CHI3L2: variants seen among roughly 807,000 people sequenced by gnomAD.
CHI3L2 encodes chitinase 3 like 2.
CHI3L2 carries 47 observed loss-of-function variants against 47.3 expected under a neutral mutation model. The ratio of observed to expected loss-of-function variants is 0.99; its 90% CI spans 0.79 to 1.27. CHI3L2 has a LOEUF of 1.27. Among genes scored for constraint, CHI3L2 ranks in the 50% most tolerant of loss-of-function variants. The pLI, the probability that CHI3L2 is intolerant of heterozygous loss-of-function variation, is 0.00. For synonymous variants in CHI3L2, 198 were observed against 169.9 expected (o/e 1.17, Z -1.28); for missense variants, 497 against 462.1 (o/e 1.08, Z -0.69).
chr1:111,237,955 T>A (rs1659931816), intron 7 of CHI3L2, among the ~76,000 whole-genome samples: 1 of 152,202 alleles, frequency 6.6e-6, no homozygotes, highest in East Asian at 1.9e-4. Flanking sequence ...GGAGGCTTTA[T>A]CTGCATGATA....
rs149638402 is a variant in CHI3L2, at chr1:111,241,325, A to C, written c.919-2A>C. ...CCCTCTCGTTTCCCTTTCCCCTGCC[A>C]GATCTGCCAGTTCCTGAAAGGAGCC... On this transcript the variant is annotated splice_acceptor_variant, in intron 8 of 10. Transcript: ENST00000369748. LOFTEE classifies it high-confidence loss of function. 6.7e-5 allele frequency: 102 copies of C among 1,512,298 alleles called. No homozygotes were observed. In the African/African-American group the frequency reaches 1.3e-3, roughly 19 times the overall value. 93.7% of individuals were successfully genotyped at this position (1,512,298 alleles called of 1,614,324 possible). A position where few individuals can be genotyped will look rare whatever the true frequency, so the allele number is the denominator to read the frequency against.
chr1:111,234,864 T>C, intron 4 of CHI3L2, 43 bp from the exon 5 acceptor site: 1 of 1,579,078 alleles, frequency 6.3e-7, no homozygotes, highest in Non-Finnish European at 8.7e-7. Context: ...CTACAAGTGT[T>C]ACTTGTTCTT....
rs781703585 is a variant in CHI3L2, at chr1:111,235,015, C to T, written c.438C>T (p.Tyr146=). 4.3e-6 allele frequency: 7 copies of T among 1,613,964 alleles called. No individual in the cohort carries two copies. The highest frequency in any genetic ancestry group is 5.1e-6 in the Non-Finnish European group (6 of 1,180,008). The change falls in exon 5 of 11, where the codon TAC becomes TAT. Residue 146 remains tyrosine (Y), a synonymous_variant. Transcript: ENST00000369748. The part of the protein sequence containing the change: ...NFDGLDVSWI[Y]PDQKENTHFT... Reference sequence around the variant, plus strand: ...ATGGACTGGATGTAAGCTGGATCTACCCAGATCAGAAAGAAAACACTCATT... The same window carrying T: ...ATGGACTGGATGTAAGCTGGATCTATCCAGATCAGAAAGAAAACACTCATT...
chr1:111,234,599 C>T (rs934893900), intron 4 of CHI3L2, among the ~76,000 whole-genome samples: 1 of 152,132 alleles, frequency 6.6e-6, no homozygotes, highest in African/African-American at 2.4e-5. Context: ...AGATTGAGGT[C>T]CAGTTGAGAA....
intron 7 of CHI3L2, 148 bp from the exon 8 acceptor site, chr1:111,238,602 C>T: frequency 1.4e-6 from 1 of 717,320 alleles, no homozygotes; most frequent in East Asian, 2.9e-5. Flanking sequence ...ACAACAAGCA[C>T]TCTGGTCCGG....
Position 111,234,979 on chromosome 1 carries a change from C to A in CHI3L2, c.402C>A (p.Asn134Lys), listed in dbSNP as rs909671585. 4 of 1,614,150 alleles carry A rather than the reference C, an allele frequency of 2.5e-6. No individual in the cohort carries two copies. The South Asian group carries it at 4.4e-5, about 18-fold the overall frequency. The change falls in exon 5 of 11, where the codon AAC becomes AAA. Residue 134 changes from asparagine to lysine, a missense_variant. Physicochemically the swap from Asn to Lys is moderately conservative, Grantham distance 94. Coordinates refer to ENST00000369748, the MANE Select transcript of CHI3L2 (RefSeq NM_004000.3). ...FINSIILFLRNHNFDGLDVSW... is the reference protein window; with the variant it reads ...FINSIILFLRKHNFDGLDVSW... ...ACTCCATAATCCTGTTTCTGAGGAA[C>A]CATAACTTTGATGGACTGGATGTAA...
At chr1:111,243,169 C>T (rs1364228283) in intron 10 of CHI3L2, 48 bp from the exon 11 acceptor site, 15 of 455,918 alleles carry the variant, frequency 3.3e-5, no homozygotes, top group Non-Finnish European at 6.6e-5. Flanking sequence ...TGACTTAGGC[C>T]TCAGTTTACT....
intron 4 of CHI3L2, among the ~76,000 whole-genome samples, chr1:111,233,751 G>C (rs12727526): frequency 2.0e-5 from 3 of 151,898 alleles, no homozygotes; most frequent in East Asian, 1.9e-4. Flanking sequence ...GAATAGAAAG[G>C]GGGGAAAGGT....
chr1:111,238,218 T>G (rs1350481033), intron 7 of CHI3L2, among the ~76,000 whole-genome samples: 2 of 152,226 alleles, frequency 1.3e-5, no homozygotes, highest in African/African-American at 4.8e-5. Flanking sequence ...CTTGGGCACA[T>G]GTCCTCAGGA....
rs369049932 is a variant in CHI3L2 at position 111,238,814 on chromosome 1, C to G, written c.800C>G (p.Pro267Arg). 3 of 1,614,054 alleles carry G rather than the reference C, an allele frequency of 1.9e-6. No individual in the cohort carries two copies. Among genetic ancestry groups the G allele is most frequent in the Non-Finnish European group, 2.5e-6 (3 of 1,179,938 alleles). Residue 267 changes from proline (P) to arginine (R), a missense_variant, in exon 8 of 11, where the codon CCC (proline) becomes CGC (arginine). Transcript: ENST00000369748. ...TCAGAGAAGGTGGTCATGGGCATCC[C>G]CACATATGGGCACTCCTTCACACTG... Reference protein sequence around the residue: ...MPSEKVVMGIPTYGHSFTLAS... With the variant: ...MPSEKVVMGIRTYGHSFTLAS...
intron 9 of CHI3L2, among the ~76,000 whole-genome samples, chr1:111,241,649 G>A (rs1269258835): frequency 6.6e-6 from 1 of 152,104 alleles, no homozygotes; most frequent in East Asian, 1.9e-4. Flanking sequence ...TGGAAAGGAC[G>A]CAAAAAAGAA....
chr1:111,227,912 A>G (rs1289521971), intron 1 of CHI3L2, 143 bp downstream of exon 1: 1 of 795,834 alleles, frequency 1.3e-6, no homozygotes, highest in Non-Finnish European at 2.1e-6. Flanking sequence ...AGCCAATGCA[A>G]CTGTTGTAGG....
In CHI3L2 at chr1:111,238,861, G is replaced by A; in HGVS notation, c.847G>A (p.Gly283Arg). The part of the protein sequence containing the change: ...FTLASAETTV[G>R]APASGPGAAG... ...ACTGGCCTCTGCAGAAACCACCGTGGGGGCCCCTGCCTCTGGCCCTGGAGC... is the reference window on the plus strand; with the variant it reads ...ACTGGCCTCTGCAGAAACCACCGTGAGGGCCCCTGCCTCTGGCCCTGGAGC... Residue 283 changes from glycine (G) to arginine (R), a missense_variant, in exon 8 of 11, where the codon GGG becomes AGG. By Grantham distance (125) the Gly-to-Arg change is moderately radical. Coordinates refer to ENST00000369748, the MANE Select transcript of CHI3L2 (RefSeq NM_004000.3). 1 of 1,613,612 alleles carries A rather than the reference G, an allele frequency of 6.2e-7. No individual in the cohort carries two copies. The highest frequency in any genetic ancestry group is 1.7e-4 in the Middle Eastern group (1 of 6,052).
At chr1:111,228,947 T>C (rs905212279) in intron 1 of CHI3L2, among the ~76,000 whole-genome samples, 3 of 152,186 alleles carry the variant, frequency 2.0e-5, no homozygotes, top group African/African-American at 7.2e-5. Flanking sequence ...GAGAAGAGAC[T>C]GGGCATAATT....
chr1:111,228,933 T>C (rs1260291642), intron 1 of CHI3L2, among the ~76,000 whole-genome samples: 1 of 152,160 alleles, frequency 6.6e-6, no homozygotes, highest in Non-Finnish European at 1.5e-5. Context: ...GTAGATGTCC[T>C]ATGGAGAAGA....
At position 111,238,935 on chromosome 1, in the gene CHI3L2, A is replaced by T; in HGVS notation, c.918+3A>T. 1 of 1,584,870 alleles carries T rather than the reference A, an allele frequency of 6.3e-7. No individual in the cohort carries two copies. The stretch of plus-strand genomic sequence containing the variant: ...CAGGCTTCCTGGCCTATTATGAGGT[A>T]CCTGGAAACCCCCTGTACCCTCAGC... On this transcript the variant is annotated splice_donor_region_variant and intron_variant, in intron 8 of 10. Transcript: ENST00000369748.
In CHI3L2 at chr1:111,235,176, C is replaced by A. The variant is rs954289708; in HGVS notation, c.480+119C>A. The stretch of plus-strand genomic sequence containing the variant: ...AAGGAGGAGATTGAGTCTAACAGCC[C>A]CAGCCTTTCTGAAGCTCCCACTAAT... On this transcript the variant is annotated intron_variant, in intron 5 of 10. Transcript: ENST00000369748. The A allele has an allele frequency of 6.2e-5, 65 of 1,040,008 alleles. No homozygotes were observed. The African/African-American group carries it at 1.0e-3, about 17-fold the overall frequency. The allele number at this position is 1,040,008 out of a possible 1,614,324, so 64.4% of individuals were successfully genotyped here.
Position 111,234,877 on chromosome 1 carries a change from CA to C in CHI3L2, c.330-25del, listed in dbSNP as rs748866734. ...CACTACAAGTGTTACTTGTTCTTTC[CA>C]AAAAGACACTCGTATTGCTTCTTTC... On this transcript the variant is annotated intron_variant, in intron 4 of 10. Transcript: ENST00000369748. 191 of 1,608,946 alleles carry C rather than the reference CA, an allele frequency of 1.2e-4. 1 individual carries two copies. The highest frequency in any genetic ancestry group is 8.5e-4 in the Middle Eastern group (5 of 5,878).
chr1:111,236,175 C>T, intron 7 of CHI3L2, 22 bp downstream of exon 7: 1 of 1,613,324 alleles, frequency 6.2e-7, no homozygotes, highest in Non-Finnish European at 8.5e-7. Flanking sequence ...AGGGGAACCG[C>T]AGGGGTACTG....
Sources: gnomAD v4.1 joint callset for allele counts (sites outside exome capture counted in the v4.1 genomes callset) on GRCh38, gnomAD v4.1.1 for gene constraint, MANE v1.5 for transcripts, NCBI Gene and HGNC (gene_info 2026-07-23, HGNC 2026-07-21) for gene names.